GOLPH3L: variants seen among roughly 807,000 people sequenced by gnomAD.
The protein encoded by GOLPH3L is golgi phosphoprotein 3 like, also known as Golgi phosphoprotein 3-like.
Under a neutral mutation model 30.3 loss-of-function variants are expected in GOLPH3L, and 22 were observed. The ratio of observed to expected loss-of-function variants is 0.73; its 90% CI spans 0.52 to 1.04. The LOEUF is 1.04. Among genes scored for constraint, GOLPH3L ranks in the 50% least tolerant of loss-of-function variants. The pLI is 0.00. For synonymous variants in GOLPH3L, 120 were observed against 128.2 expected, an observed-to-expected ratio of 0.94 and a Z score of 0.43; for missense variants, 303 against 345.8, an observed-to-expected ratio of 0.88 and a Z score of 0.98.
intron 4 of GOLPH3L, among the ~76,000 whole-genome samples, chr1:150,660,059 C>G (rs888049270): frequency 1.3e-5 from 2 of 151,868 alleles, no homozygotes; most frequent in African/African-American, 4.8e-5. Context: ...AAAACCTCAA[C>G]AACAACAAAA....
At chr1:150,669,844 C>T (rs1265850463) in intron 2 of GOLPH3L, among the ~76,000 whole-genome samples, 1 of 151,520 alleles carries the variant, frequency 6.6e-6, no homozygotes, top group East Asian at 1.9e-4. Flanking sequence ...TGCCTGTAAT[C>T]CCAGCTACTC....
chr1:150,695,923 C>T (rs1035374527), intron 1 of GOLPH3L, among the ~76,000 whole-genome samples: 2 of 151,770 alleles, frequency 1.3e-5, no homozygotes, highest in African/African-American at 2.4e-5. Context: ...AGTCAAAGAA[C>T]ATGTCTTTTA....
At chr1:150,692,974 GT>G (rs1651246560) in intron 2 of GOLPH3L, among the ~76,000 whole-genome samples, 1 of 152,160 alleles carries the variant, frequency 6.6e-6, no homozygotes, top group Admixed American at 6.5e-5. Context: ...TCTCAAAAGA[GT>G]ATTTATATCA....
At chr1:150,694,363 C>T (rs1013123299) in intron 2 of GOLPH3L, 11 of 282,602 alleles carry the variant, frequency 3.9e-5, no homozygotes, top group African/African-American at 1.1e-4. Flanking sequence ...GGTATTATTT[C>T]GCCTTTAATC....
intron 2 of GOLPH3L, among the ~76,000 whole-genome samples, chr1:150,670,427 C>G (rs1029160021): frequency 2.0e-5 from 3 of 152,024 alleles, no homozygotes; most frequent in Non-Finnish European, 2.9e-5. Context: ...GAAACCCCGT[C>G]TCTACTAAAA....
At chr1:150,668,059 C>T (rs1272464510) in intron 2 of GOLPH3L, among the ~76,000 whole-genome samples, 2 of 152,178 alleles carry the variant, frequency 1.3e-5, no homozygotes, top group Non-Finnish European at 2.9e-5. Context: ...TTCTCCACTC[C>T]ACCCTCTGGA....
chr1:150,669,407 T>C (rs903496958), intron 2 of GOLPH3L, among the ~76,000 whole-genome samples: 2 of 152,206 alleles, frequency 1.3e-5, no homozygotes, highest in African/African-American at 4.8e-5. Context: ...CCTCTTAGTG[T>C]ATCTATCTAA....
At chr1:150,690,926 A>AT (rs1009221901) in intron 2 of GOLPH3L, among the ~76,000 whole-genome samples, 1 of 152,202 alleles carries the variant, frequency 6.6e-6, no homozygotes, top group Admixed American at 6.5e-5. Context: ...TAAAAAAAAT[A>AT]TTTTGCATTG....
rs1220944111 is a variant in GOLPH3L, at chr1:150,647,590, C to A, written c.*731G>T. 6.6e-6 allele frequency: 1 copy of A among 152,342 alleles called. No homozygotes were observed. The highest frequency in any genetic ancestry group is 1.9e-4 in the East Asian group (1 of 5,180). The allele number at this position is 152,342 out of a possible 1,614,324, so 9.4% of individuals were successfully genotyped here. A position where few individuals can be genotyped will look rare whatever the true frequency, so the allele number is the denominator to read the frequency against. On this transcript the variant is annotated 3_prime_UTR_variant, in exon 5 of 5. Coordinates refer to ENST00000271732, the MANE Select transcript of GOLPH3L (RefSeq NM_018178.6). ...CACCCCCCTTCCTTCCTTACAAATT[C>A]TAATGCTGATTGCATGAACGAGGTG...
Position 150,648,401 on chromosome 1 carries a change from G to T in GOLPH3L, c.778C>A (p.Leu260Met), listed in dbSNP as rs1173077449. The change falls in exon 5 of 5, where the codon CTG (leucine) becomes ATG (methionine). Residue 260 changes from leucine to methionine, a missense_variant. Transcript: ENST00000271732. ...AMNRAKDLVE[L>M]DPEVEGTKPS... ...TTTGTCCCTTCCACTTCAGGGTCCA[G>T]TTCTACTAAGTCCTTGGCTCGATTC... is the stretch of plus-strand genomic sequence containing the variant. 1 of 1,613,542 alleles carries T rather than the reference G, an allele frequency of 6.2e-7. No homozygotes were observed. The highest frequency in any genetic ancestry group is 2.2e-5 in the East Asian group (1 of 44,900).
At chr1:150,655,788 A>T (rs1300955883) in intron 4 of GOLPH3L, among the ~76,000 whole-genome samples, 1 of 152,232 alleles carries the variant, frequency 6.6e-6, no homozygotes, top group African/African-American at 2.4e-5. Context: ...TAAATGGAGA[A>T]TGTTAACAGA....
At chr1:150,694,081 ACTCCTGGC>A (rs971423390) in intron 2 of GOLPH3L, 2 of 392,442 alleles carry the variant, frequency 5.1e-6, no homozygotes, top group Non-Finnish European at 1.0e-5. Flanking sequence ...CTAGTCTTGA[ACTCCTGGC>A]CTCAAGTGAT....
rs1557777996 is a variant in GOLPH3L at position 150,647,841 on chromosome 1, C to A, written c.*480G>T. ...CAAAAATTAGTTTTGTTTCTCATTGCTCCTTATTCAGCGACAGTTATTTCA... is the reference window on the plus strand; with the variant it reads ...CAAAAATTAGTTTTGTTTCTCATTGATCCTTATTCAGCGACAGTTATTTCA... On this transcript the variant is annotated 3_prime_UTR_variant, in exon 5 of 5. Transcript: ENST00000271732. 6.5e-6 allele frequency: 1 copy of A among 153,024 alleles called. No homozygotes were observed. Among genetic ancestry groups the A allele is most frequent in the African/African-American group, 2.4e-5 (1 of 41,460 alleles). The allele number at this position is 153,024 out of a possible 1,614,324, so 9.5% of individuals were successfully genotyped here. A position where few individuals can be genotyped will look rare whatever the true frequency, so the allele number is the denominator to read the frequency against.
intron 2 of GOLPH3L, among the ~76,000 whole-genome samples, chr1:150,670,317 G>C (rs751742577): frequency 3.3e-5 from 5 of 151,736 alleles, no homozygotes; most frequent in African/African-American, 4.8e-5. Context: ...TATACTTTAG[G>C]CTGGGTGTGG....
intron 2 of GOLPH3L, among the ~76,000 whole-genome samples, chr1:150,693,842 TATA>T (rs1651273655): frequency 5.8e-5 from 5 of 86,676 alleles, no homozygotes; most frequent in Non-Finnish European, 9.0e-5. Flanking sequence ...TATATATATA[TATA>T]TATTTTTTTT....
chr1:150,650,020 A>T (rs587710153), intron 4 of GOLPH3L, among the ~76,000 whole-genome samples: 78 of 152,176 alleles, frequency 5.1e-4, no homozygotes, highest in African/African-American at 1.7e-3. Flanking sequence ...AAATAAAATT[A>T]AAAAAATCAC....
chr1:150,662,380 A>C (rs1477557886), intron 3 of GOLPH3L, among the ~76,000 whole-genome samples: 2 of 152,004 alleles, frequency 1.3e-5, no homozygotes, highest in Non-Finnish European at 2.9e-5. Context: ...AAATAAATAA[A>C]TAAATAAACA....
intron 4 of GOLPH3L, among the ~76,000 whole-genome samples, chr1:150,658,612 C>T (rs149920657): frequency 1.3e-5 from 2 of 152,310 alleles, no homozygotes; most frequent in East Asian, 1.9e-4. Flanking sequence ...AGGTGCTGCG[C>T]AATGATTCTT....
At chr1:150,694,520 A>T in intron 2 of GOLPH3L, 136 bp downstream of exon 2, 1 of 558,514 alleles carries the variant, frequency 1.8e-6, no homozygotes, top group Non-Finnish European at 3.1e-6. Context: ...CACTGTCCCA[A>T]CTCCTCCATC....
Sources: allele counts gnomAD v4.1 joint callset (sites outside exome capture counted in the v4.1 genomes callset), GRCh38; gene constraint gnomAD v4.1.1; transcripts MANE v1.5; gene names NCBI Gene and HGNC (gene_info 2026-07-23, HGNC 2026-07-21).